PABPC4L: variants seen among roughly 807,000 people sequenced by gnomAD.
PABPC4L encodes poly(A) binding protein cytoplasmic 4 like, also known as polyadenylate-binding protein 4-like.
For missense variants in PABPC4L, 452 were observed against 451.4 expected, an observed-to-expected ratio of 1.00 and a Z score of -0.01; for synonymous variants, 169 against 164.1, an observed-to-expected ratio of 1.03 and a Z score of -0.23.
the PABPC4L span, among the ~76,000 whole-genome samples, chr4:134,158,537 C>G: frequency 6.6e-6 from 1 of 151,932 alleles, no homozygotes; most frequent in African/African-American, 2.4e-5. Context: ...GAACTTTAAG[C>G]GTATTAATAG....
At chr4:133,957,756 T>G in the PABPC4L span, among the ~76,000 whole-genome samples, 1 of 152,238 alleles carries the variant, frequency 6.6e-6, no homozygotes, top group Non-Finnish European at 1.5e-5. Context: ...TCTTCACTTT[T>G]GTGAACCCAC....
the PABPC4L span, among the ~76,000 whole-genome samples, chr4:134,188,567 A>G: frequency 1.4e-4 from 22 of 152,108 alleles, no homozygotes; most frequent in Middle Eastern, 3.2e-3. Context: ...ATAATCTTGC[A>G]GAATACAAAT....
the PABPC4L span, among the ~76,000 whole-genome samples, chr4:134,144,579 T>TA: frequency 0.014 from 2,003 of 138,830 alleles, 40 homozygotes; most frequent in African/African-American, 0.043. Flanking sequence ...CCTACCAGGT[T>TA]AAAAAAAAAA....
the PABPC4L span, among the ~76,000 whole-genome samples, chr4:134,002,965 G>C: frequency 1.3e-5 from 2 of 151,634 alleles, no homozygotes; most frequent in Non-Finnish European, 1.5e-5. Context: ...TGCAAAACTA[G>C]GAAAAAAGAC....
the PABPC4L span, among the ~76,000 whole-genome samples, chr4:134,024,585 A>G: frequency 6.6e-6 from 1 of 151,912 alleles, no homozygotes; most frequent in Non-Finnish European, 1.5e-5. Context: ...CCCTATCATA[A>G]CCTCATTTAA....
the PABPC4L span, among the ~76,000 whole-genome samples, chr4:134,014,018 C>T: frequency 6.6e-6 from 1 of 152,094 alleles, no homozygotes; most frequent in Non-Finnish European, 1.5e-5. Flanking sequence ...GTTAATGCTC[C>T]TTTTTCTTTA....
At chr4:133,957,136 A>T in the PABPC4L span, among the ~76,000 whole-genome samples, 1 of 152,128 alleles carries the variant, frequency 6.6e-6, no homozygotes, top group African/African-American at 2.4e-5. Context: ...AAAGTCCAAA[A>T]TCTCATCTGA....
chr4:133,978,553 C>CTGTG, the PABPC4L span, among the ~76,000 whole-genome samples: 18 of 148,908 alleles, frequency 1.2e-4, no homozygotes, highest in African/African-American at 2.7e-4. Context: ...GAGGTGGAGG[C>CTGTG]TGTGTGTGTG....
the PABPC4L span, among the ~76,000 whole-genome samples, chr4:134,061,467 GA>G: frequency 6.6e-6 from 1 of 151,858 alleles, no homozygotes; most frequent in Non-Finnish European, 1.5e-5. Flanking sequence ...GCTTGCAGAA[GA>G]GAAGAAAGTT....
chr4:134,033,314 T>A, the PABPC4L span, among the ~76,000 whole-genome samples: 1 of 151,858 alleles, frequency 6.6e-6, no homozygotes, highest in Non-Finnish European at 1.5e-5. Context: ...CTGTTGTCTC[T>A]TTCCCTTTCC....
chr4:134,185,773 A>G, the PABPC4L span, among the ~76,000 whole-genome samples: 9 of 152,164 alleles, frequency 5.9e-5, 1 homozygote, highest in African/African-American at 1.4e-4. Context: ...ACATGATTGT[A>G]TCTTTAGAAA....
the PABPC4L span, among the ~76,000 whole-genome samples, chr4:134,112,142 TAAC>T: frequency 3.9e-5 from 6 of 152,044 alleles, no homozygotes; most frequent in East Asian, 1.2e-3. Context: ...TAAAATAGTT[TAAC>T]AACAGGTCAC....
chr4:134,158,438 C>A, the PABPC4L span, among the ~76,000 whole-genome samples: 1 of 151,954 alleles, frequency 6.6e-6, no homozygotes, highest in South Asian at 2.1e-4. Flanking sequence ...GTATTCCTTC[C>A]ATTCTGACAT....
the PABPC4L span, among the ~76,000 whole-genome samples, chr4:134,009,446 G>T: frequency 6.6e-6 from 1 of 151,862 alleles, no homozygotes; most frequent in Non-Finnish European, 1.5e-5. Flanking sequence ...CTCTCATTAT[G>T]TTCTCAGCCA....
At chr4:134,106,877 A>G in the PABPC4L span, among the ~76,000 whole-genome samples, 1 of 151,476 alleles carries the variant, frequency 6.6e-6, no homozygotes, top group Admixed American at 6.6e-5. Flanking sequence ...GACTTTTCCT[A>G]TGATGGGGCA....
the PABPC4L span, among the ~76,000 whole-genome samples, chr4:134,092,726 T>C: frequency 6.6e-6 from 1 of 152,136 alleles, no homozygotes; most frequent in South Asian, 2.1e-4. Flanking sequence ...TCCACTCACC[T>C]GTATCCTCTC....
the PABPC4L span, among the ~76,000 whole-genome samples, chr4:134,081,153 C>T: frequency 6.6e-6 from 1 of 152,130 alleles, no homozygotes; most frequent in South Asian, 2.1e-4. Flanking sequence ...AGGACTGTTA[C>T]TATACATTTA....
chr4:134,018,409 A>G, the PABPC4L span, among the ~76,000 whole-genome samples: 1 of 152,158 alleles, frequency 6.6e-6, no homozygotes, highest in Non-Finnish European at 1.5e-5. Context: ...TTTGTTATAT[A>G]GATAAATTAC....
chr4:134,052,406 C>T, the PABPC4L span, among the ~76,000 whole-genome samples: 1 of 151,910 alleles, frequency 6.6e-6, no homozygotes, highest in Non-Finnish European at 1.5e-5. Context: ...GTGTTTTACT[C>T]TCAAAATTGA....
Sources: gnomAD v4.1 joint callset for allele counts (sites outside exome capture counted in the v4.1 genomes callset) on GRCh38, gnomAD v4.1.1 for gene constraint, MANE v1.5 for transcripts, NCBI Gene and HGNC (gene_info 2026-07-23, HGNC 2026-07-21) for gene names.